Variants in DIAPH3 observed in about 807,000 individuals in gnomAD.
DIAPH3 encodes diaphanous related formin 3.
A neutral mutation model predicts 144.3 loss-of-function variants in DIAPH3; 117 were observed. That is an observed-to-expected ratio of 0.81 (90% confidence interval 0.70 to 0.95). The LOEUF (loss-of-function observed/expected upper bound fraction) is 0.95, where lower values mean the gene tolerates loss of function less well. Ranked by LOEUF, DIAPH3 falls within the 40% of genes least tolerant of loss-of-function variation. The probability of loss-of-function intolerance (pLI) is 0.00; values close to 1 mark genes in which losing one functional copy is unlikely to be tolerated. For missense variants in DIAPH3, 1,421 were observed against 1,412.7 expected, an observed-to-expected ratio of 1.01 and a Z score of -0.09; for synonymous variants, 519 against 488.9, an observed-to-expected ratio of 1.06 and a Z score of -0.81.
At position 59,666,691 on chromosome 13, in the gene DIAPH3, T is replaced by C; in HGVS notation, c.3475A>G (p.Asn1159Asp). 6.2e-7 allele frequency: 1 copy of C among 1,614,186 alleles called. No individual in the cohort carries two copies. Among genetic ancestry groups the C allele is most frequent in the South Asian group, 1.1e-5 (1 of 91,082 alleles). Residue 1159 changes from asparagine to aspartate, a missense_variant, in exon 28 of 28, where the codon AAT (asparagine) becomes GAT (aspartate). By Grantham distance (23) the Asn-to-Asp change is conservative (BLOSUM62 1). Transcript: ENST00000400324. ...IKAAEKKEAC[N>D]VESNRKKETE... ...TCCTTTTTTCTGTTGCTTTCTACAT[T>C]ACACGCTTCCTTCTTCTCAGCTGCC... is the stretch of plus-strand genomic sequence containing the variant.
intron 24 of DIAPH3, among the ~76,000 whole-genome samples, chr13:59,813,201 G>A (rs571641252): frequency 1.3e-5 from 2 of 151,432 alleles, no homozygotes; most frequent in East Asian, 1.9e-4. Context: ...AGGATTCTTT[G>A]TCTCTGACCC....
intron 27 of DIAPH3, among the ~76,000 whole-genome samples, chr13:59,701,288 CATT>C (rs1460413189): frequency 6.6e-6 from 1 of 152,106 alleles, no homozygotes; most frequent in Non-Finnish European, 1.5e-5. Context: ...TGAAGGTAAT[CATT>C]ATACATCAAT....
At chr13:60,021,620 G>T (rs1425036234) in intron 5 of DIAPH3, among the ~76,000 whole-genome samples, 3 of 147,690 alleles carry the variant, frequency 2.0e-5, no homozygotes, top group Non-Finnish European at 1.5e-5. Flanking sequence ...GTGCAAGATG[G>T]TTGCCCACTG....
rs923934282 is a variant in DIAPH3 at position 60,041,350 on chromosome 13, C to T, written c.626+1340G>A. Among the ~76,000 whole-genome samples, 4 of 152,172 alleles carry T rather than the reference C, an allele frequency of 2.6e-5. No individual in the cohort carries two copies. The East Asian group carries it at 5.8e-4, about 22-fold the overall frequency. Reference sequence around the variant, plus strand: ...ACATGCTAAACAGCGTGTCTGGTAACGCGAGGTAAATTACACATATGAAGC... The same window carrying T: ...ACATGCTAAACAGCGTGTCTGGTAATGCGAGGTAAATTACACATATGAAGC... On this transcript the variant is annotated intron_variant, in intron 5 of 27. Transcript: ENST00000400324.
rs35387511 is a variant in DIAPH3 at position 59,762,052 on chromosome 13, CTTT to C, written c.3319+12134_3319+12136del. On this transcript the variant is annotated intron_variant, in intron 27 of 27. Transcript: ENST00000400324. ...GCACCCAAGATGAAAGCGTCAGCAT[CTTT>C]TTTTTTTTTTTTTTTTTTTTTTTTT... 7.1e-3 allele frequency among the ~76,000 whole-genome samples: 425 copies of C among 59,506 alleles called. 3 individuals are homozygous for C. Among genetic ancestry groups the C allele is most frequent in the African/African-American group, 0.026 (369 of 14,240 alleles). 39.0% of individuals were successfully genotyped at this position (59,506 alleles called of 152,430 possible). A position where few individuals can be genotyped will look rare whatever the true frequency, so the allele number is the denominator to read the frequency against.
At chr13:60,125,394 A>AT (rs56267083) in intron 2 of DIAPH3, among the ~76,000 whole-genome samples, 1,249 of 97,802 alleles carry the variant, frequency 0.013, 55 homozygotes, top group Non-Finnish European at 0.018. Context: ...CACCCAGCTA[A>AT]TTTTTTTTTT....
chr13:59,721,305 T>C (rs952605218), intron 27 of DIAPH3, among the ~76,000 whole-genome samples: 3 of 152,176 alleles, frequency 2.0e-5, no homozygotes, highest in Admixed American at 6.5e-5. Flanking sequence ...TTCAGAAGAT[T>C]GATAGGGATA....
intron 24 of DIAPH3, among the ~76,000 whole-genome samples, chr13:59,811,843 T>C (rs1373184768): frequency 6.6e-6 from 1 of 151,604 alleles, no homozygotes; most frequent in Non-Finnish European, 1.5e-5. Flanking sequence ...TCTCAATAGA[T>C]ATGTGATTAT....
intron 3 of DIAPH3, among the ~76,000 whole-genome samples, chr13:60,094,967 G>A (rs1231873877): frequency 6.6e-6 from 1 of 152,206 alleles, no homozygotes; most frequent in Non-Finnish European, 1.5e-5. Context: ...AAGCTAGTGA[G>A]AGAAGGCTCA....
intron 20 of DIAPH3, among the ~76,000 whole-genome samples, chr13:59,880,399 C>A (rs1302029899): frequency 6.6e-6 from 1 of 151,898 alleles, no homozygotes; most frequent in African/African-American, 2.4e-5. Context: ...ATATCAAAAG[C>A]AGGTTAAGGC....
chr13:59,732,753 T>G (rs532740142), intron 27 of DIAPH3, among the ~76,000 whole-genome samples: 11 of 152,216 alleles, frequency 7.2e-5, no homozygotes, highest in African/African-American at 2.2e-4. Flanking sequence ...GCTGGCCTGA[T>G]AGATATATAT....
chr13:60,159,248 C>G (rs1952173187), intron 1 of DIAPH3, among the ~76,000 whole-genome samples: 1 of 152,068 alleles, frequency 6.6e-6, no homozygotes, highest in Non-Finnish European at 1.5e-5. Flanking sequence ...CTAATTATTG[C>G]TAATGGTTCC....
chr13:59,682,378 G>A (rs1483289095), intron 27 of DIAPH3, among the ~76,000 whole-genome samples: 1 of 152,164 alleles, frequency 6.6e-6, no homozygotes, highest in Non-Finnish European at 1.5e-5. Flanking sequence ...CTGGGGTGCA[G>A]TGGCACCATT....
In DIAPH3 at chr13:59,911,835, T is replaced by G. The variant is rs770994435; in HGVS notation, c.2267A>C (p.Asn756Thr). 8.7e-6 allele frequency: 14 copies of G among 1,603,316 alleles called. No homozygotes were observed. The East Asian group carries it at 2.9e-4, about 33-fold the overall frequency. Residue 756 changes from asparagine to threonine, a missense_variant and splice_region_variant, in exon 20 of 28, where the codon AAC (asparagine) becomes ACC (threonine). Physicochemically the swap from Asn to Thr is moderately conservative, Grantham distance 65. Transcript: ENST00000400324. ...TTGATCAGGAAGATGCTTTATTAAG[T>G]TCTAAAAATTAAAACCAGAAAGAAA... Reference protein sequence around the residue: ...ETRLAESMIQNLIKHLPDQEQ... With the variant: ...ETRLAESMIQTLIKHLPDQEQ...
At chr13:59,963,086 C>T (rs891511979) in intron 17 of DIAPH3, among the ~76,000 whole-genome samples, 2 of 152,144 alleles carry the variant, frequency 1.3e-5, no homozygotes, top group Admixed American at 6.6e-5. Context: ...GATAAAGTGT[C>T]TGATTTTGAA....
Position 59,839,410 on chromosome 13 carries a change from C to A in DIAPH3, c.2776G>T (p.Gly926Ter), listed in dbSNP as rs1327376566. The A allele has an allele frequency of 9.9e-6, 16 of 1,613,556 alleles. No individual in the cohort carries two copies. Among genetic ancestry groups the A allele is most frequent in the African/African-American group, 1.3e-5 (1 of 74,890 alleles). Reference sequence around the variant, plus strand: ...TTCTCAAGCTGTTGAAGCTGCCTTCCCATCTGCCTCAAATTCTTTTCCAGC... The same window carrying A: ...TTCTCAAGCTGTTGAAGCTGCCTTCACATCTGCCTCAAATTCTTTTCCAGC... ...ETLEKNLRQM[G>*]RQLQQLEKEL... Residue 926 changes from glycine (G) to a stop codon, truncating the protein, a stop_gained, in exon 23 of 28, where the codon GGA (glycine) becomes TGA (stop). Coordinates refer to ENST00000400324, the MANE Select transcript of DIAPH3 (RefSeq NM_001042517.2). LOFTEE classifies it high-confidence loss of function.
At chr13:60,033,490 C>G (rs1440307459) in intron 5 of DIAPH3, among the ~76,000 whole-genome samples, 1 of 152,158 alleles carries the variant, frequency 6.6e-6, no homozygotes, top group Non-Finnish European at 1.5e-5. Context: ...TCTGGGTCGG[C>G]CTTAGGAAGC....
At chr13:60,005,151 C>T (rs909151145) in intron 9 of DIAPH3, among the ~76,000 whole-genome samples, 1 of 152,176 alleles carries the variant, frequency 6.6e-6, no homozygotes, top group African/African-American at 2.4e-5. Flanking sequence ...ATGTGGTACA[C>T]TCATGACAGA....
intron 12 of DIAPH3, among the ~76,000 whole-genome samples, chr13:59,984,611 T>C (rs191807187): frequency 3.8e-4 from 57 of 150,034 alleles, no homozygotes; most frequent in African/African-American, 1.3e-3. Flanking sequence ...AAGAATCAAA[T>C]AGACACAATA....
Sources: gnomAD v4.1 joint callset for allele counts (sites outside exome capture counted in the v4.1 genomes callset) on GRCh38, gnomAD v4.1.1 for gene constraint, MANE v1.5 for transcripts, NCBI Gene and HGNC (gene_info 2026-07-23, HGNC 2026-07-21) for gene names.